The following CARD8 variants were observed in gnomAD, a reference collection of about 807,000 sequenced individuals.
CARD8 encodes caspase recruitment domain-containing protein 8.
Under a neutral mutation model 53.2 loss-of-function variants are expected in CARD8, and 38 were observed. That is an observed-to-expected ratio of 0.71 (90% CI 0.55 to 0.94). The LOEUF (loss-of-function observed/expected upper bound fraction) is 0.94. CARD8 is among the 40% of genes least tolerant of loss of function. The probability of loss-of-function intolerance (pLI) is 0.00; values close to 1 mark genes in which losing one functional copy is unlikely to be tolerated. For synonymous variants in CARD8, 245 were observed against 244.9 expected (o/e 1.00, Z 0.00); for missense variants, 561 against 655.5 (o/e 0.86, Z 1.57).
intron 4 of CARD8, 81 bp downstream of exon 4, chr19:48,240,881 G>T: frequency 9.3e-7 from 1 of 1,075,102 alleles, no homozygotes. Context: ...AAACATCCAT[G>T]GTCCTCTGTA....
At chr19:48,236,019 T>A (rs182982655) in intron 5 of CARD8, among the ~76,000 whole-genome samples, 223 of 152,208 alleles carry the variant, frequency 1.5e-3, no homozygotes, top group African/African-American at 5.0e-3. Flanking sequence ...CAATTCTGAT[T>A]AAAGTATGTA....
chr19:48,225,925 C>A (rs530550829), intron 10 of CARD8, among the ~76,000 whole-genome samples: 4 of 151,970 alleles, frequency 2.6e-5, no homozygotes, highest in East Asian at 1.9e-4. Context: ...TGGTGGCGTG[C>A]GCCTATAGTC....
intron 1 of CARD8, among the ~76,000 whole-genome samples, chr19:48,253,245 C>G (rs1198779359): frequency 6.6e-6 from 1 of 152,054 alleles, no homozygotes; most frequent in Non-Finnish European, 1.5e-5. Flanking sequence ...ATCACCATGC[C>G]TGGCTAATTT....
chr19:48,207,302 T>C (rs943735963), downstream of CARD8, among the ~76,000 whole-genome samples: 3 of 152,162 alleles, frequency 2.0e-5, no homozygotes, highest in African/African-American at 7.2e-5. Flanking sequence ...TATTTTGTTA[T>C]GGCAACCTGA....
intron 10 of CARD8, among the ~76,000 whole-genome samples, chr19:48,228,851 G>A (rs1357959024): frequency 6.6e-6 from 1 of 152,094 alleles, no homozygotes; most frequent in Non-Finnish European, 1.5e-5. Context: ...GTACGAAGAG[G>A]GAGGCGGCCG....
At chr19:48,206,582 A>C (rs534335263), downstream of CARD8, 20 of 457,360 alleles carry the variant, frequency 4.4e-5, no homozygotes, top group Middle Eastern at 3.3e-4. Flanking sequence ...CCAATCCTTC[A>C]TAGGGTGTAA....
downstream of CARD8, chr19:48,204,059 G>A (rs963821420): frequency 7.1e-6 from 3 of 423,892 alleles, no homozygotes; most frequent in South Asian, 4.9e-5. Flanking sequence ...GAGGAGTGGG[G>A]AGGAGCTCTT....
intron 13 of CARD8, among the ~76,000 whole-genome samples, chr19:48,212,687 A>G (rs1462452395): frequency 6.6e-6 from 1 of 152,138 alleles, no homozygotes; most frequent in Non-Finnish European, 1.5e-5. Flanking sequence ...CAGGTGCTAT[A>G]TTTTGCTCCA....
At chr19:48,227,229 T>G (rs778031906) in intron 10 of CARD8, among the ~76,000 whole-genome samples, 1 of 152,128 alleles carries the variant, frequency 6.6e-6, no homozygotes, top group Non-Finnish European at 1.5e-5. Context: ...AGGGAGAAAG[T>G]TGAGTCAATA....
At chr19:48,215,268 C>T (rs2145425990) in intron 13 of CARD8, 72 bp downstream of exon 13, 1 of 1,101,014 alleles carries the variant, frequency 9.1e-7, no homozygotes, top group South Asian at 1.3e-5. Context: ...ACTTGGATAC[C>T]TTCCACTGTC....
chr19:48,231,942 T>C (rs1228070961), intron 7 of CARD8, 132 bp from the exon 8 acceptor site: 1 of 799,948 alleles, frequency 1.3e-6, no homozygotes, highest in Admixed American at 1.9e-5. Flanking sequence ...GTGACCAGAA[T>C]ATGCAGTTTC....
In CARD8 at chr19:48,238,437, T is replaced by C; in HGVS notation, c.155A>G (p.Gln52Arg). 1.3e-6 allele frequency: 2 copies of C among 1,536,238 alleles called. No homozygotes were observed. Among genetic ancestry groups the C allele is most frequent in the South Asian group, 2.4e-5 (2 of 84,068 alleles). ...LLVDNSIREL[Q>R]YTKTGIFFQA... ...AAAAAAAATTCCAGTTTTTGTGTATTGCAGTTCCCGTATGCTATTGTCAAC... is the reference window on the plus strand; with the variant it reads ...AAAAAAAATTCCAGTTTTTGTGTATCGCAGTTCCCGTATGCTATTGTCAAC... Residue 52 changes from glutamine (Q) to arginine (R), a missense_variant, in exon 5 of 14, where the codon CAA (glutamine) becomes CGA (arginine). Coordinates refer to ENST00000651546, the MANE Select transcript of CARD8 (RefSeq NM_001184900.3).
rs553822399 is a variant in CARD8 at position 48,252,493 on chromosome 19, A to G, written c.-251-2646T>C. On this transcript the variant is annotated intron_variant, in intron 1 of 13. Coordinates refer to ENST00000651546, the MANE Select transcript of CARD8 (RefSeq NM_001184900.3). Reference sequence around the variant, plus strand: ...ACATATGTAAGAATATATATAATATATATAATTTTTTTTTTTTGAGACAGA... The same window carrying G: ...ACATATGTAAGAATATATATAATATGTATAATTTTTTTTTTTTGAGACAGA... Among the ~76,000 whole-genome samples the G allele has an allele frequency of 3.3e-3, 485 of 144,814 alleles. 4 individuals carry two copies. Among genetic ancestry groups the G allele is most frequent in the African/African-American group, 0.012 (459 of 39,396 alleles).
intron 11 of CARD8, 37 bp from the exon 12 acceptor site, chr19:48,219,049 G>C (rs1433275508): frequency 1.2e-6 from 2 of 1,608,984 alleles, no homozygotes; most frequent in Non-Finnish European, 1.7e-6. Flanking sequence ...AAGCAGTGGA[G>C]GGTGGAAAGG....
Position 48,230,870 on chromosome 19 carries a change from G to C in CARD8, c.679C>G (p.Gln227Glu), listed in dbSNP as rs2042739230. ...HLALDLQHHE[Q>E]WLVGGPLFDV... ...AACAAGGGGCCGCCCACCAGCCACT[G>C]TTCATGGTGCTGCAGGTCCAGGGCC... is the stretch of plus-strand genomic sequence containing the variant. The change falls in exon 9 of 14, where the codon CAG (glutamine) becomes GAG (glutamate). Residue 227 changes from glutamine (Q) to glutamate (E), a missense_variant. Coordinates refer to ENST00000651546, the MANE Select transcript of CARD8 (RefSeq NM_001184900.3). 6.2e-7 allele frequency: 1 copy of C among 1,614,212 alleles called. No individual in the cohort carries two copies. The highest frequency in any genetic ancestry group is 8.5e-7 in the Non-Finnish European group (1 of 1,180,046).
chr19:48,227,524 GC>G (rs1250262573), intron 10 of CARD8, among the ~76,000 whole-genome samples: 9 of 152,266 alleles, frequency 5.9e-5, no homozygotes, highest in Admixed American at 4.6e-4. Context: ...TCACGGAGAT[GC>G]CAGGAGCAGT....
chr19:48,206,046 C>T (rs771887805), downstream of CARD8, among the ~76,000 whole-genome samples: 8 of 151,876 alleles, frequency 5.3e-5, no homozygotes, highest in Non-Finnish European at 8.8e-5. Context: ...TACGGGTGTG[C>T]GCCACCATGC....
chr19:48,254,539 CAG>C (rs1376521232), intron 1 of CARD8, among the ~76,000 whole-genome samples: 2 of 152,048 alleles, frequency 1.3e-5, no homozygotes, highest in African/African-American at 4.8e-5. Flanking sequence ...GATCACAAGT[CAG>C]GGGTTCGAGA....
In CARD8 at chr19:48,216,501, A is replaced by G. The variant is rs564171762; in HGVS notation, c.1304-1117T>C. On this transcript the variant is annotated intron_variant, in intron 12 of 13. Coordinates refer to ENST00000651546, the MANE Select transcript of CARD8 (RefSeq NM_001184900.3). ...ATGAGATGCTACTCATGTGGAGATG[A>G]GGCCTGGGTCGGCTGAGCATCATCC... Among the ~76,000 whole-genome samples, 9 of 152,318 alleles carry G rather than the reference A, an allele frequency of 5.9e-5. No homozygotes were observed. In the South Asian group the frequency reaches 1.9e-3, roughly 32 times the overall value.
Sources: allele counts gnomAD v4.1 joint callset (sites outside exome capture counted in the v4.1 genomes callset), GRCh38; gene constraint gnomAD v4.1.1; transcripts MANE v1.5; gene names NCBI Gene and HGNC (gene_info 2026-07-23, HGNC 2026-07-21).